CACNA1H: variants seen among roughly 807,000 people sequenced by gnomAD.
CACNA1H encodes calcium voltage-gated channel subunit alpha1 H.
In CACNA1H, 149 loss-of-function variants were observed where a neutral mutation model predicts 192.5. That is an observed-to-expected ratio of 0.77 (90% CI 0.68 to 0.89). The LOEUF is 0.89. Ranked by LOEUF, CACNA1H falls within the 40% of genes least tolerant of loss-of-function variation. CACNA1H has a pLI of 0.00. For missense variants in CACNA1H, 4,257 were observed against 3,423.5 expected, an observed-to-expected ratio of 1.24 and a Z score of -6.08; for synonymous variants, 2,202 against 1,475.2, an observed-to-expected ratio of 1.49 and a Z score of -11.29.
rs1365029720 is a variant in CACNA1H, at chr16:1,198,643, G to A, written c.672G>A (p.Leu224=). Residue 224 remains leucine (L), a synonymous_variant, in exon 6 of 35, where the codon CTG becomes CTA. Transcript: ENST00000348261. The stretch of plus-strand genomic sequence containing the variant: ...TGCGGATCCTGGTCACTCTGCTGCT[G>A]GATACGCTGCCCATGCTCGGGAACG... ...PSMRILVTLL[L]DTLPMLGNVL... is the part of the protein sequence containing the mutation. The A allele has an allele frequency of 1.5e-5, 24 of 1,613,340 alleles. No individual in the cohort carries two copies. Among genetic ancestry groups the A allele is most frequent in the Non-Finnish European group, 1.9e-5 (23 of 1,179,632 alleles).
chr16:1,201,550 C>T (rs1967910252), intron 8 of CACNA1H, 113 bp from the exon 9 acceptor site: 2 of 1,307,828 alleles, frequency 1.5e-6, no homozygotes, highest in Non-Finnish European at 1.0e-6. Flanking sequence ...GGGCACCTCG[C>T]CCACTGTGCC....
In CACNA1H at chr16:1,212,060, T is replaced by G; in HGVS notation, c.4681T>G (p.Cys1561Gly). The change falls in exon 25 of 35, where the codon TGC (cysteine) becomes GGC (glycine). Residue 1561 changes from cysteine (C) to glycine (G), a missense_variant. Transcript: ENST00000348261. Reference protein sequence around the residue: ...VGVVVENFHKCRQHQEAEEAR... With the variant: ...VGVVVENFHKGRQHQEAEEAR... ...CGTCGTGGTCGAGAACTTCCACAAGTGCCGGCAGCACCAGGAGGCGGAGGA... is the reference window on the plus strand; with the variant it reads ...CGTCGTGGTCGAGAACTTCCACAAGGGCCGGCAGCACCAGGAGGCGGAGGA... 6.2e-7 allele frequency: 1 copy of G among 1,613,088 alleles called. No homozygotes were observed. The highest frequency in any genetic ancestry group is 8.5e-7 in the Non-Finnish European group (1 of 1,179,644).
chr16:1,162,935 C>A (rs1963369353), intron 2 of CACNA1H, among the ~76,000 whole-genome samples: 1 of 152,242 alleles, frequency 6.6e-6, no homozygotes, highest in African/African-American at 2.4e-5. Flanking sequence ...CACGGCCACT[C>A]CACGGGTGCC....
intron 25 of CACNA1H, 106 bp downstream of exon 25, chr16:1,212,244 C>T (rs538663606): frequency 3.8e-4 from 540 of 1,427,736 alleles, no homozygotes; most frequent in East Asian, 1.9e-3. Context: ...TGGCTCTGCA[C>T]GCCACCCGCC....
At chr16:1,189,868 T>TA (rs1388180009) in intron 2 of CACNA1H, among the ~76,000 whole-genome samples, 3 of 152,160 alleles carry the variant, frequency 2.0e-5, no homozygotes, top group East Asian at 1.9e-4. Context: ...TTTTCATCGT[T>TA]ACGAGCCCCT....
chr16:1,208,159 C>A lies in CACNA1H; in HGVS notation c.3301C>A (p.Pro1101Thr). Reference sequence around the variant, plus strand: ...ATTCCTGGATGCAGCCCCCAGCCTCCCAGACTCTCGGCGTGGCAGCAGCAG... The same window carrying A: ...ATTCCTGGATGCAGCCCCCAGCCTCACAGACTCTCGGCGTGGCAGCAGCAG... ...SPFLDAAPSLPDSRRGSSSSG... is the reference protein window; with the variant it reads ...SPFLDAAPSLTDSRRGSSSSG... The change falls in exon 16 of 35, where the codon CCA (proline) becomes ACA (threonine). Residue 1101 changes from proline to threonine, a missense_variant. Pro to Thr is a conservative substitution (Grantham distance 38). Coordinates refer to ENST00000348261, the MANE Select transcript of CACNA1H (RefSeq NM_021098.3). The A allele has an allele frequency of 6.3e-7, 1 of 1,575,964 alleles. No individual in the cohort carries two copies. Among genetic ancestry groups the A allele is most frequent in the East Asian group, 2.4e-5 (1 of 42,342 alleles).
intron 2 of CACNA1H, among the ~76,000 whole-genome samples, chr16:1,161,510 A>T (rs1019068612): frequency 9.2e-5 from 14 of 151,976 alleles, no homozygotes; most frequent in Admixed American, 3.9e-4. Flanking sequence ...GATGTTAAAG[A>T]CTCAGCCTCA....
chr16:1,210,292 A>G (rs1969272883), intron 18 of CACNA1H, 78 bp from the exon 19 acceptor site: 3 of 1,340,330 alleles, frequency 2.2e-6, no homozygotes, highest in South Asian at 1.3e-5. Context: ...AGGCGTGGCC[A>G]GGGCTGTCCT....
Position 1,221,008 on chromosome 16 carries a change from G to T in CACNA1H, c.*14G>T, listed in dbSNP as rs750488691. ...GACCCCGTGTAGCTCGGGGCTTGGT[G>T]CCGCCCACGGCTTTGGCCCTGGGGT... is the stretch of plus-strand genomic sequence containing the variant. On this transcript the variant is annotated 3_prime_UTR_variant, in exon 35 of 35. Coordinates refer to ENST00000348261, the MANE Select transcript of CACNA1H (RefSeq NM_021098.3). The T allele has an allele frequency of 6.5e-7, 1 of 1,541,848 alleles. No individual in the cohort carries two copies. Among genetic ancestry groups the T allele is most frequent in the Non-Finnish European group, 8.7e-7 (1 of 1,148,296 alleles).
rs771212151 is a variant in CACNA1H at position 1,200,242 on chromosome 16, G to A, written c.804-14G>A. The stretch of plus-strand genomic sequence containing the variant: ...CTGATTGTACCTTTTGGCCCTGGCT[G>A]TGCCCATCCCCAGGAACAACAACCT... On this transcript the variant is annotated splice_polypyrimidine_tract_variant and intron_variant, in intron 6 of 34. Transcript: ENST00000348261. 1 of 1,584,636 alleles carries A rather than the reference G, an allele frequency of 6.3e-7. No homozygotes were observed. The highest frequency in any genetic ancestry group is 8.6e-7 in the Non-Finnish European group (1 of 1,164,474).
rs771171443 is a variant in CACNA1H, at chr16:1,202,388, C to T, written c.1938C>T (p.His646=). The part of the protein sequence containing the change: ...WAGGPPGTGG[H]GPLSLNSPDP... ...GTGGACCGCCAGGCACCGGGGGGCA[C>T]GGCCCGTTGAGCTTGAACAGCCCTG... The change falls in exon 9 of 35, where the codon CAC becomes CAT. Residue 646 remains histidine (H), a synonymous_variant. Coordinates refer to ENST00000348261, the MANE Select transcript of CACNA1H (RefSeq NM_021098.3). 3.1e-5 allele frequency: 48 copies of T among 1,547,388 alleles called. No individual in the cohort carries two copies. The highest frequency in any genetic ancestry group is 7.3e-5 in the East Asian group (3 of 41,120).
intron 2 of CACNA1H, among the ~76,000 whole-genome samples, chr16:1,177,560 A>T (rs946664311): frequency 5.9e-5 from 9 of 152,054 alleles, no homozygotes; most frequent in Non-Finnish European, 1.2e-4. Context: ...TTGGGGTGGA[A>T]GGGAAGGGGC....
intron 2 of CACNA1H, among the ~76,000 whole-genome samples, chr16:1,185,658 A>G (rs868353725): frequency 0.5 from 1,840 of 3,648 alleles, 269 homozygotes; most frequent in Middle Eastern, 1. Flanking sequence ...GTCGGCATGC[A>G]TAGGGGCCGG....
In CACNA1H at chr16:1,207,752, G is replaced by T. The variant is rs752852269; in HGVS notation, c.3064-18G>T. The T allele has an allele frequency of 9.5e-6, 15 of 1,581,260 alleles. No individual in the cohort carries two copies. The South Asian group carries it at 1.4e-4, about 15-fold the overall frequency. The stretch of plus-strand genomic sequence containing the variant: ...TCACGGGGCCCCTCATGCCTGCCTT[G>T]TGCTTTGTTGGGTTTAGGGCGATGC... On this transcript the variant is annotated intron_variant, in intron 14 of 34. Coordinates refer to ENST00000348261, the MANE Select transcript of CACNA1H (RefSeq NM_021098.3).
chr16:1,182,923 C>T (rs1965616629), intron 2 of CACNA1H, among the ~76,000 whole-genome samples: 1 of 152,088 alleles, frequency 6.6e-6, no homozygotes, highest in Admixed American at 6.5e-5. Flanking sequence ...GGTCAGGAGT[C>T]GGCCACAGGG....
chr16:1,186,531 C>T (rs899401691), intron 2 of CACNA1H, among the ~76,000 whole-genome samples: 3 of 152,116 alleles, frequency 2.0e-5, no homozygotes, highest in Non-Finnish European at 4.4e-5. Flanking sequence ...CGTTCTCATC[C>T]TCCGGCGATT....
intron 27 of CACNA1H, among the ~76,000 whole-genome samples, 178 bp from the exon 28 acceptor site, chr16:1,214,794 C>T (rs894425769): frequency 4.6e-5 from 7 of 152,156 alleles, no homozygotes; most frequent in Non-Finnish European, 1.0e-4. Flanking sequence ...GGAGCACTTC[C>T]TGTATGCTGG....
chr16:1,206,464 G>A, intron 12 of CACNA1H, 175 bp downstream of exon 12: 1 of 619,202 alleles, frequency 1.6e-6, no homozygotes. Flanking sequence ...GGCCCCTACT[G>A]TGTGCCACGT....
At position 1,207,366 on chromosome 16, in the gene CACNA1H, C is replaced by G; in HGVS notation, c.2999C>G (p.Thr1000Ser). Residue 1000 changes from threonine (T) to serine (S), a missense_variant, in exon 14 of 35, where the codon ACC becomes AGC. By Grantham distance (58) the Thr-to-Ser change is moderately conservative. Transcript: ENST00000348261. ...GCCCTCTACTTCGTGGCCCTCATGA[C>G]CTTCGGCAACTATGTGCTCTTCAAC... ...WAALYFVALMTFGNYVLFNLL... is the reference protein window; with the variant it reads ...WAALYFVALMSFGNYVLFNLL... 1 of 1,613,274 alleles carries G rather than the reference C, an allele frequency of 6.2e-7. No individual in the cohort carries two copies. The highest frequency in any genetic ancestry group is 8.5e-7 in the Non-Finnish European group (1 of 1,179,812).
Sources: allele counts gnomAD v4.1 joint callset (sites outside exome capture counted in the v4.1 genomes callset), GRCh38; gene constraint gnomAD v4.1.1; transcripts MANE v1.5; gene names NCBI Gene and HGNC (gene_info 2026-07-23, HGNC 2026-07-21).